Variants in ZNF223 observed in about 807,000 individuals in gnomAD.
The protein encoded by ZNF223 is Homo sapiens zinc finger protein 223.
ZNF223 carries 9 observed loss-of-function variants against 12.3 expected under a neutral mutation model. The observed-to-expected ratio is 0.73, with a 90% CI of 0.44 to 1.28. ZNF223 has a LOEUF of 1.28. Among genes scored for constraint, ZNF223 ranks in the 50% most tolerant of loss-of-function variants. The probability of loss-of-function intolerance (pLI) is 0.00; values close to 1 mark genes in which losing one functional copy is unlikely to be tolerated. For missense variants in ZNF223, 506 were observed against 579.0 expected (o/e 0.87, Z 1.29); for synonymous variants, 171 against 195.2 (o/e 0.88, Z 1.03).
Position 44,067,346 on chromosome 19 carries a change from C to A in ZNF223, c.*69C>A. ...TGTATATGATGTATAATGATCAAATCAGTGTAATTAGCACATTTATCACCT... is the reference window on the plus strand; with the variant it reads ...TGTATATGATGTATAATGATCAAATAAGTGTAATTAGCACATTTATCACCT... On this transcript the variant is annotated 3_prime_UTR_variant, in exon 5 of 5. Coordinates refer to ENST00000434772, the MANE Select transcript of ZNF223 (RefSeq NM_013361.6). 1 of 1,429,984 alleles carries A rather than the reference C, an allele frequency of 7.0e-7. No homozygotes were observed. The highest frequency in any genetic ancestry group is 9.6e-7 in the Non-Finnish European group (1 of 1,039,056). The allele number at this position is 1,429,984 out of a possible 1,614,324, so 88.6% of individuals were successfully genotyped here.
chr19:44,051,775 T>G (rs1362091921), upstream of ZNF223: 2 of 152,240 alleles, frequency 1.3e-5, no homozygotes, highest in Non-Finnish European at 2.9e-5. Flanking sequence ...CCAGACACCT[T>G]GCGGGATTCC....
chr19:44,055,243 T>C (rs567565506), intron 2 of ZNF223, 52 bp downstream of exon 2: 38 of 1,599,416 alleles, frequency 2.4e-5, no homozygotes, highest in Non-Finnish European at 3.2e-5. Flanking sequence ...ACTACTCAGA[T>C]TGTTGTGTGT....
chr19:44,065,577 C>CTTTTTTTT (rs758805971), intron 4 of ZNF223, among the ~76,000 whole-genome samples: 3 of 113,774 alleles, frequency 2.6e-5, no homozygotes, highest in African/African-American at 3.1e-5. Flanking sequence ...TCTTTCTTTT[C>CTTTTTTTT]TTTTTTTTTT....
Position 44,060,210 on chromosome 19 carries a change from A to G in ZNF223, c.16-245A>G, listed in dbSNP as rs142397052. Among the ~76,000 whole-genome samples the G allele has an allele frequency of 3.0e-3, 461 of 152,204 alleles. 1 individual carries two copies. Among genetic ancestry groups the G allele is most frequent in the Non-Finnish European group, 5.0e-3 (341 of 68,014 alleles). Reference sequence around the variant, plus strand: ...CTCCTAGGGGGCTACATACAAGTAAACTCAATGAGTTCACTAAATAAGACC... The same window carrying G: ...CTCCTAGGGGGCTACATACAAGTAAGCTCAATGAGTTCACTAAATAAGACC... On this transcript the variant is annotated intron_variant, in intron 2 of 4. Transcript: ENST00000434772.
At position 44,066,768 on chromosome 19, in the gene ZNF223, A is replaced by C. The variant is rs1342925624; in HGVS notation, c.940A>C (p.Lys314Gln). Residue 314 changes from lysine (K) to glutamine (Q), a missense_variant, in exon 5 of 5, where the codon AAA becomes CAA. Coordinates refer to ENST00000434772, the MANE Select transcript of ZNF223 (RefSeq NM_013361.6). The stretch of plus-strand genomic sequence containing the variant: ...GCATTGTGTGGTCCACACAGGAAAG[A>C]AACCAAACAGCACTGGGGAATATGG... ...NRHCVVHTGK[K>Q]PNSTGEYGKG... 1 of 1,614,130 alleles carries C rather than the reference A, an allele frequency of 6.2e-7. No individual in the cohort carries two copies. Among genetic ancestry groups the C allele is most frequent in the Non-Finnish European group, 8.5e-7 (1 of 1,180,050 alleles).
chr19:44,058,511 G>T (rs1305098436), intron 2 of ZNF223, among the ~76,000 whole-genome samples: 1 of 152,208 alleles, frequency 6.6e-6, no homozygotes, highest in East Asian at 1.9e-4. Flanking sequence ...AGAAGCTGCT[G>T]AAGATACCAA....
intron 4 of ZNF223, among the ~76,000 whole-genome samples, chr19:44,064,205 A>G (rs927495297): frequency 2.6e-5 from 4 of 152,164 alleles, no homozygotes; most frequent in Non-Finnish European, 5.9e-5. Flanking sequence ...ATAAATGTCT[A>G]TTGAAGGTTT....
In ZNF223 at chr19:44,060,546, T is replaced by G. The variant is rs1568513547; in HGVS notation, c.107T>G (p.Val36Gly). 1 of 1,614,078 alleles carries G rather than the reference T, an allele frequency of 6.2e-7. No homozygotes were observed. The highest frequency in any genetic ancestry group is 1.7e-5 in the Admixed American group (1 of 60,020). ...DLAQRKLYRDVMLENFRNLLS... is the reference protein window; with the variant it reads ...DLAQRKLYRDGMLENFRNLLS... ...GCCCAGAGGAAGCTGTATCGAGATG[T>G]GATGCTGGAGAACTTCAGGAACCTG... Residue 36 changes from valine to glycine, a missense_variant, in exon 3 of 5, where the codon GTG (valine) becomes GGG (glycine). Physicochemically the swap from Val to Gly is moderately radical, Grantham distance 109. Coordinates refer to ENST00000434772, the MANE Select transcript of ZNF223 (RefSeq NM_013361.6).
At chr19:44,052,948 C>T (rs1599866165) in intron 1 of ZNF223, among the ~76,000 whole-genome samples, 2 of 152,212 alleles carry the variant, frequency 1.3e-5, no homozygotes, top group East Asian at 3.9e-4. Context: ...TATTACCTAG[C>T]ATCATGTTAT....
chr19:44,060,863 G>T, intron 4 of ZNF223, 22 bp downstream of exon 4: 1 of 1,597,182 alleles, frequency 6.3e-7, no homozygotes, highest in Non-Finnish European at 8.6e-7. Flanking sequence ...GCAACTGTGT[G>T]TCCTTGTTTG....
intron 4 of ZNF223, among the ~76,000 whole-genome samples, chr19:44,062,547 A>T (rs1021794127): frequency 3.3e-5 from 5 of 151,350 alleles, no homozygotes; most frequent in Non-Finnish European, 7.4e-5. Context: ...TTCTCTGTGG[A>T]TGGCTGCTTA....
At chr19:44,056,245 G>A (rs1390643854) in intron 2 of ZNF223, among the ~76,000 whole-genome samples, 1 of 151,258 alleles carries the variant, frequency 6.6e-6, no homozygotes, top group African/African-American at 2.4e-5. Context: ...GCTGGGCGCG[G>A]TGGCTCACAC....
At position 44,066,937 on chromosome 19, in the gene ZNF223, A is replaced by G; in HGVS notation, c.1109A>G (p.Lys370Arg). The G allele has an allele frequency of 6.2e-7, 1 of 1,614,210 alleles. No homozygotes were observed. The highest frequency in any genetic ancestry group is 8.5e-7 in the Non-Finnish European group (1 of 1,180,034). Residue 370 changes from lysine (K) to arginine (R), a missense_variant, in exon 5 of 5, where the codon AAG (lysine) becomes AGG (arginine). By Grantham distance (26) the Lys-to-Arg change is conservative. Coordinates refer to ENST00000434772, the MANE Select transcript of ZNF223 (RefSeq NM_013361.6). The stretch of plus-strand genomic sequence containing the variant: ...CATCAGCGAGTCCACACTGGAGAAA[A>G]GCCATACAAATGTGACAAGTGTGGG... ...LIHQRVHTGE[K>R]PYKCDKCGKS...
At chr19:44,058,064 T>C (rs1976791739) in intron 2 of ZNF223, among the ~76,000 whole-genome samples, 1 of 152,142 alleles carries the variant, frequency 6.6e-6, no homozygotes, top group Non-Finnish European at 1.5e-5. Flanking sequence ...TTTATATACT[T>C]CAGGGTGCCA....
chr19:44,063,736 C>T (rs548521391), intron 4 of ZNF223, among the ~76,000 whole-genome samples: 2 of 152,270 alleles, frequency 1.3e-5, no homozygotes, highest in South Asian at 4.1e-4. Context: ...GCTCACCGCT[C>T]AGCGACTTGT....
chr19:44,051,761 C>A (rs1976703373), upstream of ZNF223: 1 of 152,268 alleles, frequency 6.6e-6, no homozygotes, highest in Non-Finnish European at 1.5e-5. Context: ...TGAGGCTCTG[C>A]AGTCCAGACA....
intron 4 of ZNF223, 118 bp downstream of exon 4, chr19:44,060,959 C>A (rs1305824004): frequency 1.9e-6 from 2 of 1,049,222 alleles, no homozygotes; most frequent in Non-Finnish European, 2.8e-6. Context: ...ATTATGATAA[C>A]CTCCTTCCAG....
intron 4 of ZNF223, among the ~76,000 whole-genome samples, chr19:44,061,792 C>T (rs1454715061): frequency 6.6e-6 from 1 of 152,222 alleles, no homozygotes; most frequent in East Asian, 1.9e-4. Flanking sequence ...ACTTGCTTTT[C>T]TCTCTGACTG....
Position 44,066,922 on chromosome 19 carries a change from T to C in ZNF223, c.1094T>C (p.Val365Ala). Reference sequence around the variant, plus strand: ...TCCTATCTTTTGATCCATCAGCGAGTCCACACTGGAGAAAAGCCATACAAA... The same window carrying C: ...TCCTATCTTTTGATCCATCAGCGAGCCCACACTGGAGAAAAGCCATACAAA... ...RSSYLLIHQRVHTGEKPYKCD... is the reference protein window; with the variant it reads ...RSSYLLIHQRAHTGEKPYKCD... The change falls in exon 5 of 5, where the codon GTC (valine) becomes GCC (alanine). Residue 365 changes from valine (V) to alanine (A), a missense_variant. Coordinates refer to ENST00000434772, the MANE Select transcript of ZNF223 (RefSeq NM_013361.6). The C allele has an allele frequency of 6.2e-7, 1 of 1,614,134 alleles. No individual in the cohort carries two copies. The highest frequency in any genetic ancestry group is 8.5e-7 in the Non-Finnish European group (1 of 1,180,022).
Sources: allele counts gnomAD v4.1 joint callset (sites outside exome capture counted in the v4.1 genomes callset), GRCh38; gene constraint gnomAD v4.1.1; transcripts MANE v1.5; gene names NCBI Gene and HGNC (gene_info 2026-07-23, HGNC 2026-07-21).